The following MYOF variants were observed in gnomAD, a reference collection of about 807,000 sequenced individuals.
MYOF encodes fer-1-like 3, myoferlin.
MYOF carries 244 observed loss-of-function variants against 284.2 expected under a neutral mutation model. That is an observed-to-expected ratio of 0.86 (90% CI 0.77 to 0.95). The LOEUF (loss-of-function observed/expected upper bound fraction) is 0.95, where lower values mean the gene tolerates loss of function less well. MYOF is among the 40% of genes least tolerant of loss of function. MYOF has a pLI of 0.00. For missense variants in MYOF, 2,496 were observed against 2,560.6 expected (o/e 0.97, Z 0.54); for synonymous variants, 904 against 919.7 (o/e 0.98, Z 0.31).
chr10:93,459,358 T>C (rs1426279216), intron 1 of MYOF, among the ~76,000 whole-genome samples: 2 of 152,226 alleles, frequency 1.3e-5, no homozygotes, highest in African/African-American at 2.4e-5. Context: ...CTATGTGTAA[T>C]TGTAGCTGCT....
intron 39 of MYOF, chr10:93,338,430 G>A (rs1843714319): frequency 2.2e-6 from 1 of 455,794 alleles, no homozygotes; most frequent in Non-Finnish European, 4.4e-6. Context: ...ACTGGCTTGG[G>A]CAAGTTGTTT....
intron 19 of MYOF, among the ~76,000 whole-genome samples, chr10:93,386,851 A>G (rs1564672554): frequency 6.6e-6 from 1 of 152,312 alleles, no homozygotes; most frequent in East Asian, 1.9e-4. Flanking sequence ...GACTAGAGGG[A>G]GAAGGCCCTG....
intron 21 of MYOF, among the ~76,000 whole-genome samples, chr10:93,378,395 T>C (rs943686534): frequency 2.0e-5 from 3 of 152,146 alleles, no homozygotes; most frequent in African/African-American, 4.8e-5. Context: ...GTACATTGCC[T>C]ATCAATTGCA....
At position 93,356,484 on chromosome 10, in the gene MYOF, G is replaced by A. The variant is rs1445648588; in HGVS notation, c.3294+191C>T. On this transcript the variant is annotated intron_variant, in intron 30 of 53. Coordinates refer to ENST00000359263, the MANE Select transcript of MYOF (RefSeq NM_013451.4). ...GCAGTATTTCTTAGAACACTCCTGTGTTAATGGTCTATTCGTTCTACACGA... is the reference window on the plus strand; with the variant it reads ...GCAGTATTTCTTAGAACACTCCTGTATTAATGGTCTATTCGTTCTACACGA... Among the ~76,000 whole-genome samples, 3 of 152,052 alleles carry A rather than the reference G, an allele frequency of 2.0e-5. No homozygotes were observed. In the East Asian group the frequency reaches 5.8e-4, roughly 29 times the overall value.
intron 5 of MYOF, among the ~76,000 whole-genome samples, chr10:93,425,469 C>T (rs1848549345): frequency 6.6e-6 from 1 of 152,156 alleles, no homozygotes; most frequent in Non-Finnish European, 1.5e-5. Context: ...TCAGCCCCAA[C>T]CCCACCTAGA....
chr10:93,320,195 C>T (rs1396300450), intron 48 of MYOF, among the ~76,000 whole-genome samples, 182 bp from the exon 49 acceptor site: 3 of 152,192 alleles, frequency 2.0e-5, no homozygotes, highest in Admixed American at 2.0e-4. Flanking sequence ...GCATCCAACA[C>T]AGGTTGTGGC....
chr10:93,338,387 T>C (rs10786089), intron 39 of MYOF: 164,018 of 456,388 alleles, frequency 0.36, 34,711 homozygotes, highest in East Asian at 0.88. Flanking sequence ...CCTTCCTTTA[T>C]GTTATAAGCC....
chr10:93,394,026 C>T (rs1396673100), intron 16 of MYOF, among the ~76,000 whole-genome samples: 1 of 152,218 alleles, frequency 6.6e-6, no homozygotes, highest in South Asian at 2.1e-4. Context: ...CAGCAGAGAA[C>T]ATTCAGATGG....
intron 1 of MYOF, among the ~76,000 whole-genome samples, chr10:93,458,140 C>T (rs1024334437): frequency 6.6e-6 from 1 of 150,880 alleles, no homozygotes; most frequent in Non-Finnish European, 1.5e-5. Flanking sequence ...ATTGTTTGAG[C>T]CTAGGAGTTC....
In MYOF at chr10:93,409,564, C is replaced by T. The variant is rs368958243; in HGVS notation, c.600+9G>A. ...TAAACAAAGAAGCAGAACGCCAGGC[C>T]GTTGCTACCTGGAAGTCCTGTGGCT... On this transcript the variant is annotated intron_variant, in intron 6 of 53. Transcript: ENST00000359263. 8.1e-6 allele frequency: 13 copies of T among 1,610,308 alleles called. No individual in the cohort carries two copies. The highest frequency in any genetic ancestry group is 5.1e-5 in the Admixed American group (3 of 58,770).
rs372493255 is a variant in MYOF at position 93,362,482 on chromosome 10, C to T, written c.2869-925G>A. On this transcript the variant is annotated intron_variant, in intron 27 of 53. Transcript: ENST00000359263. Reference sequence around the variant, plus strand: ...CTGATCTCAAACTCCTGACCTTCAGCGATCCACCCACCTCAGCCTCCCGAA... The same window carrying T: ...CTGATCTCAAACTCCTGACCTTCAGTGATCCACCCACCTCAGCCTCCCGAA... 1.6e-4 allele frequency among the ~76,000 whole-genome samples: 25 copies of T among 151,638 alleles called. No individual in the cohort carries two copies. In the South Asian group the frequency reaches 4.0e-3, roughly 24 times the overall value.
chr10:93,416,639 C>T (rs2134154767), intron 5 of MYOF, among the ~76,000 whole-genome samples: 1 of 148,974 alleles, frequency 6.7e-6, no homozygotes, highest in Middle Eastern at 3.5e-3. Flanking sequence ...ACTTTGTCAC[C>T]CAGGCTGGAG....
At chr10:93,336,149 C>A in intron 40 of MYOF, 103 bp from the exon 41 acceptor site, 1 of 1,309,948 alleles carries the variant, frequency 7.6e-7, no homozygotes, top group South Asian at 1.4e-5. Flanking sequence ...GTGGATGGGG[C>A]GACCGGAACT....
intron 7 of MYOF, 81 bp downstream of exon 7, chr10:93,408,706 G>A: frequency 6.4e-7 from 1 of 1,569,580 alleles, no homozygotes; most frequent in African/African-American, 1.3e-5. Context: ...ACTCAGTGGT[G>A]TCTTCACCAG....
intron 1 of MYOF, among the ~76,000 whole-genome samples, chr10:93,471,390 A>G (rs1162045318): frequency 6.6e-6 from 1 of 152,086 alleles, no homozygotes; most frequent in Non-Finnish European, 1.5e-5. Flanking sequence ...AATGACTCCA[A>G]CCACTAAACA....
chr10:93,481,162 C>A (rs142594337), intron 1 of MYOF, among the ~76,000 whole-genome samples: 38 of 152,312 alleles, frequency 2.5e-4, no homozygotes, highest in Admixed American at 8.5e-4. Context: ...TGTCCCCTCC[C>A]CTGCAATGGC....
At chr10:93,453,120 C>A (rs1292437304) in intron 2 of MYOF, among the ~76,000 whole-genome samples, 4 of 151,910 alleles carry the variant, frequency 2.6e-5, no homozygotes, top group African/African-American at 9.7e-5. Flanking sequence ...AAAACAAGTT[C>A]TCAGTCTCCT....
chr10:93,442,476 G>A (rs1438696364), intron 3 of MYOF, among the ~76,000 whole-genome samples: 1 of 152,178 alleles, frequency 6.6e-6, no homozygotes, highest in African/African-American at 2.4e-5. Context: ...TCTCATGATT[G>A]TACAGCTGGC....
In MYOF at chr10:93,353,831, A is replaced by G; in HGVS notation, c.3461T>C (p.Leu1154Ser). ...YVYQARNLLA[L>S]DKDSFSDPYA... ...TTTACCTGAAAAGCTATCCTTATCTAAAGCCAAGAGGTTTCTGGCTTGATA... is the reference window on the plus strand; with the variant it reads ...TTTACCTGAAAAGCTATCCTTATCTGAAGCCAAGAGGTTTCTGGCTTGATA... The change falls in exon 32 of 54, where the codon TTA becomes TCA. Residue 1154 changes from leucine (L) to serine (S), a missense_variant. This residue lies in a region of MYOF where 2,436 missense variants were observed against 2,480.7 expected (regional missense o/e 0.98). Coordinates refer to ENST00000359263, the MANE Select transcript of MYOF (RefSeq NM_013451.4). 1 of 1,609,920 alleles carries G rather than the reference A, an allele frequency of 6.2e-7. No individual in the cohort carries two copies. Among genetic ancestry groups the G allele is most frequent in the Non-Finnish European group, 8.5e-7 (1 of 1,177,448 alleles).
Sources: gnomAD v4.1 joint callset for allele counts (sites outside exome capture counted in the v4.1 genomes callset) on GRCh38, gnomAD v4.1.1 for gene constraint, gnomAD v4.1.1 regional missense constraint, MANE v1.5 for transcripts, NCBI Gene and HGNC (gene_info 2026-07-23, HGNC 2026-07-21) for gene names.